KHDRBS2: variants seen among roughly 807,000 people sequenced by gnomAD.
KHDRBS2 encodes KH RNA binding domain containing, signal transduction associated 2, also known as KH domain-containing, RNA-binding, signal transduction-associated protein 2.
Under a neutral mutation model 44.3 loss-of-function variants are expected in KHDRBS2, and 26 were observed. The observed-to-expected ratio is 0.59, with a 90% CI of 0.43 to 0.81. The LOEUF is 0.81. KHDRBS2 is among the 40% of genes least tolerant of loss of function. The probability of loss-of-function intolerance (pLI) is 0.00; values close to 1 mark genes in which losing one functional copy is unlikely to be tolerated. For synonymous variants in KHDRBS2, 194 were observed against 151.1 expected (o/e 1.28, Z -2.08); for missense variants, 476 against 433.1 (o/e 1.10, Z -0.88).
chr6:62,214,101 T>G (rs1471834259), intron 1 of KHDRBS2, among the ~76,000 whole-genome samples: 1 of 152,138 alleles, frequency 6.6e-6, no homozygotes, highest in African/African-American at 2.4e-5. Flanking sequence ...TCTCTCTGTA[T>G]GTTCAAATCT....
intron 3 of KHDRBS2, among the ~76,000 whole-genome samples, chr6:61,994,869 A>G (rs9445774): frequency 0.021 from 3,192 of 152,124 alleles, 115 homozygotes; most frequent in African/African-American, 0.074. Flanking sequence ...ACCTCCAAGG[A>G]CCCCAGGGGC....
At chr6:62,247,311 T>G (rs1835744453) in intron 1 of KHDRBS2, among the ~76,000 whole-genome samples, 1 of 151,896 alleles carries the variant, frequency 6.6e-6, no homozygotes, top group Admixed American at 6.6e-5. Flanking sequence ...TTCTTTTTGG[T>G]GCTAGGTTGA....
intron 2 of KHDRBS2, among the ~76,000 whole-genome samples, chr6:62,070,775 T>C (rs1235117074): frequency 3.3e-5 from 5 of 152,204 alleles, no homozygotes; most frequent in African/African-American, 1.2e-4. Context: ...GTCTTTGCTA[T>C]TGTGAATAGT....
Position 61,697,458 on chromosome 6 carries a change from T to G in KHDRBS2, c.894-205A>C, listed in dbSNP as rs1768034029. Among the ~76,000 whole-genome samples the G allele has an allele frequency of 2.0e-5, 3 of 152,150 alleles. No individual in the cohort carries two copies. In the South Asian group the frequency reaches 6.2e-4, roughly 32 times the overall value. On this transcript the variant is annotated intron_variant, in intron 7 of 8. Coordinates refer to ENST00000281156, the MANE Select transcript of KHDRBS2 (RefSeq NM_152688.4). ...ATGATTTTTTTTAATGCCATCTCAG[T>G]ATTTCTTTCTCTCTATCCACCAATT...
intron 1 of KHDRBS2, among the ~76,000 whole-genome samples, chr6:62,232,130 G>A (rs1585321608): frequency 6.6e-6 from 1 of 152,130 alleles, no homozygotes; most frequent in African/African-American, 2.4e-5. Context: ...AAAAAGGAGA[G>A]ACCTTTTTGC....
At chr6:62,276,055 G>A (rs1195695302) in intron 1 of KHDRBS2, among the ~76,000 whole-genome samples, 1 of 152,110 alleles carries the variant, frequency 6.6e-6, no homozygotes, top group Admixed American at 6.5e-5. Flanking sequence ...GTTGCAGTCA[G>A]GGCTCATCAT....
intron 6 of KHDRBS2, among the ~76,000 whole-genome samples, chr6:61,753,397 C>A (rs1243829950): frequency 1.3e-5 from 2 of 151,994 alleles, no homozygotes; most frequent in Admixed American, 6.6e-5. Context: ...GTACCCCCAC[C>A]CCCCCAAACC....
At chr6:62,054,154 T>G (rs543647819) in intron 2 of KHDRBS2, among the ~76,000 whole-genome samples, 5 of 152,262 alleles carry the variant, frequency 3.3e-5, no homozygotes, top group African/African-American at 1.2e-4. Context: ...ACCATAGGGT[T>G]TGGATCAACT....
intron 1 of KHDRBS2, among the ~76,000 whole-genome samples, chr6:62,208,015 T>C (rs764456656): frequency 1.3e-5 from 2 of 152,272 alleles, no homozygotes; most frequent in Admixed American, 6.5e-5. Flanking sequence ...TGCTATTTTA[T>C]AGACTTTGAC....
chr6:62,045,911 A>C lies in KHDRBS2; in HGVS notation c.336+1967T>G, dbSNP rs189812337. Among the ~76,000 whole-genome samples the C allele has an allele frequency of 6.2e-4, 94 of 151,038 alleles. 1 individual carries two copies. The highest frequency in any genetic ancestry group is 2.2e-3 in the African/African-American group (93 of 41,364). On this transcript the variant is annotated intron_variant, in intron 3 of 8. Coordinates refer to ENST00000281156, the MANE Select transcript of KHDRBS2 (RefSeq NM_152688.4). ...TCAGCTAGGTGTCCAATACTTGAGA[A>C]AGTTAAGACCTTATCATTCAAAAGC...
At chr6:61,936,032 C>G (rs1810954129) in intron 4 of KHDRBS2, among the ~76,000 whole-genome samples, 1 of 152,024 alleles carries the variant, frequency 6.6e-6, no homozygotes, top group Admixed American at 6.6e-5. Flanking sequence ...TATCTCTATT[C>G]TATCATCTGT....
chr6:61,967,202 T>G, intron 4 of KHDRBS2, among the ~76,000 whole-genome samples: 1 of 37,270 alleles, frequency 2.7e-5, no homozygotes, highest in South Asian at 1.4e-3. Flanking sequence ...CCACTATGTT[T>G]ACAAAAAAAA....
rs1287990742 is a variant in KHDRBS2 at position 62,286,031 on chromosome 6, C to T, written c.-83G>A. 3 of 807,612 alleles carry T rather than the reference C, an allele frequency of 3.7e-6. No individual in the cohort carries two copies. The highest frequency in any genetic ancestry group is 6.3e-6 in the Non-Finnish European group (3 of 478,712). The allele number at this position is 807,612 out of a possible 1,614,324, so 50.0% of individuals were successfully genotyped here. A position where few individuals can be genotyped will look rare whatever the true frequency, so the allele number is the denominator to read the frequency against. ...GGCAGGGTCTTGGGGCAGCGCCTGG[C>T]TCCCGCGCTGCTCCTCCTCCGCGCG... On this transcript the variant is annotated 5_prime_UTR_variant, in exon 1 of 9. Coordinates refer to ENST00000281156, the MANE Select transcript of KHDRBS2 (RefSeq NM_152688.4).
At chr6:61,548,721 A>C in the KHDRBS2 span, among the ~76,000 whole-genome samples, 4 of 152,140 alleles carry the variant, frequency 2.6e-5, no homozygotes, top group Admixed American at 2.0e-4. Context: ...AAACAGACGG[A>C]CTCTAATTTT....
intron 2 of KHDRBS2, among the ~76,000 whole-genome samples, chr6:62,082,676 A>T (rs935885608): frequency 6.6e-6 from 1 of 152,204 alleles, no homozygotes; most frequent in African/African-American, 2.4e-5. Context: ...AGATTTAAAT[A>T]TGAAATTCAG....
At chr6:62,077,154 A>C (rs1796509308) in intron 2 of KHDRBS2, among the ~76,000 whole-genome samples, 1 of 152,072 alleles carries the variant, frequency 6.6e-6, no homozygotes, top group East Asian at 1.9e-4. Context: ...TTTTGAAGAA[A>C]AATGCTGCAT....
intron 3 of KHDRBS2, among the ~76,000 whole-genome samples, chr6:62,040,714 T>G (rs945235604): frequency 6.6e-6 from 1 of 152,110 alleles, no homozygotes; most frequent in Non-Finnish European, 1.5e-5. Context: ...AGCATCAGGA[T>G]TTTCAGAATC....
intron 1 of KHDRBS2, among the ~76,000 whole-genome samples, chr6:62,222,959 G>A (rs542068147): frequency 2.2e-4 from 34 of 152,128 alleles, no homozygotes; most frequent in Non-Finnish European, 3.7e-4. Context: ...CCAGACACAC[G>A]GTGCAAGCTG....
intron 4 of KHDRBS2, among the ~76,000 whole-genome samples, chr6:61,928,916 C>T (rs1192828825): frequency 1.3e-5 from 2 of 151,910 alleles, no homozygotes; most frequent in Non-Finnish European, 2.9e-5. Flanking sequence ...TTCCCTTTTC[C>T]ATTGTTATCA....
Sources: gnomAD v4.1 joint callset for allele counts (sites outside exome capture counted in the v4.1 genomes callset) on GRCh38, gnomAD v4.1.1 for gene constraint, MANE v1.5 for transcripts, NCBI Gene and HGNC (gene_info 2026-07-23, HGNC 2026-07-21) for gene names.